Variants in CNTN5 observed in about 807,000 individuals in gnomAD.
The protein encoded by CNTN5 is contactin-5.
CNTN5 carries 77 observed loss-of-function variants against 129.1 expected under a neutral mutation model. The observed-to-expected ratio is 0.60, with a 90% CI of 0.50 to 0.72. CNTN5 has a LOEUF of 0.72. Ranked by LOEUF, CNTN5 falls within the 30% of genes least tolerant of loss-of-function variation. The pLI, the probability that CNTN5 is intolerant of heterozygous loss-of-function variation, is 0.00. For synonymous variants in CNTN5, 509 were observed against 465.6 expected, an observed-to-expected ratio of 1.09 and a Z score of -1.20; for missense variants, 1,478 against 1,328.8, an observed-to-expected ratio of 1.11 and a Z score of -1.75.
intron 3 of CNTN5, among the ~76,000 whole-genome samples, chr11:99,703,228 T>C (rs1327836798): frequency 1.4e-5 from 1 of 71,218 alleles, no homozygotes; most frequent in Admixed American, 1.4e-4. Flanking sequence ...GTATTTGGGG[T>C]TTTTTTTTTT....
chr11:99,719,092 G>C (rs1943081699), intron 3 of CNTN5, among the ~76,000 whole-genome samples: 1 of 152,088 alleles, frequency 6.6e-6, no homozygotes, highest in Non-Finnish European at 1.5e-5. Context: ...GCCGAAGCAG[G>C]TGGATCACTT....
chr11:99,714,472 G>A (rs939142636), intron 3 of CNTN5, among the ~76,000 whole-genome samples: 1 of 151,914 alleles, frequency 6.6e-6, no homozygotes, highest in African/African-American at 2.4e-5. Flanking sequence ...ATGAAGCATA[G>A]GGTCTGGATG....
chr11:99,233,254 A>T (rs986027304), intron 1 of CNTN5, among the ~76,000 whole-genome samples: 1 of 152,238 alleles, frequency 6.6e-6, no homozygotes, highest in African/African-American at 2.4e-5. Context: ...GCTAAGGAAT[A>T]ATTATTCAGT....
chr11:100,254,419 T>G (rs1226452127), intron 16 of CNTN5, among the ~76,000 whole-genome samples: 1 of 152,142 alleles, frequency 6.6e-6, no homozygotes, highest in Non-Finnish European at 1.5e-5. Flanking sequence ...TTATTTTGCT[T>G]CCTTCATTTA....
At chr11:99,602,535 A>G (rs1950346275) in intron 3 of CNTN5, among the ~76,000 whole-genome samples, 1 of 152,128 alleles carries the variant, frequency 6.6e-6, no homozygotes, top group South Asian at 2.1e-4. Flanking sequence ...CTACCCATAT[A>G]TTAATATAGT....
intron 2 of CNTN5, among the ~76,000 whole-genome samples, chr11:99,354,177 T>C (rs1014819129): frequency 8.5e-5 from 13 of 152,224 alleles, no homozygotes; most frequent in African/African-American, 2.9e-4. Context: ...ATTTTCAATA[T>C]AGTAAATGCT....
chr11:99,616,536 A>G (rs2135746971), intron 3 of CNTN5, among the ~76,000 whole-genome samples: 1 of 152,354 alleles, frequency 6.6e-6, no homozygotes, highest in East Asian at 1.9e-4. Context: ...TATAAGATAT[A>G]GATATGAATA....
chr11:99,143,119 G>A (rs952421432), intron 1 of CNTN5, among the ~76,000 whole-genome samples: 1 of 151,656 alleles, frequency 6.6e-6, no homozygotes, highest in African/African-American at 2.4e-5. Flanking sequence ...GGCCATATTG[G>A]CTATTTCTGT....
At chr11:100,064,847 A>C (rs1488740034) in intron 10 of CNTN5, among the ~76,000 whole-genome samples, 1 of 152,118 alleles carries the variant, frequency 6.6e-6, no homozygotes, top group African/African-American at 2.4e-5. Flanking sequence ...AAAAGGGGTA[A>C]CTGAAGGGGG....
At chr11:99,648,603 A>T (rs1341281648) in intron 3 of CNTN5, among the ~76,000 whole-genome samples, 1 of 151,828 alleles carries the variant, frequency 6.6e-6, no homozygotes, top group Non-Finnish European at 1.5e-5. Context: ...TCAAAGAGAT[A>T]TTCTCACCCT....
At chr11:100,021,632 G>C (rs1252674495) in intron 9 of CNTN5, among the ~76,000 whole-genome samples, 2 of 152,100 alleles carry the variant, frequency 1.3e-5, no homozygotes, top group African/African-American at 4.8e-5. Flanking sequence ...AGATACTTCA[G>C]CTTTCTCTTT....
At position 100,358,761 on chromosome 11, in the gene CNTN5, G is replaced by A. The variant is rs991774481; in HGVS notation, c.*2541G>A. Reference sequence around the variant, plus strand: ...TCAAACTGTTAAATATATTGTGTACGATCTGTATATATACTATATATAAGG... The same window carrying A: ...TCAAACTGTTAAATATATTGTGTACAATCTGTATATATACTATATATAAGG... On this transcript the variant is annotated 3_prime_UTR_variant, in exon 25 of 25. Coordinates refer to ENST00000524871, the MANE Select transcript of CNTN5 (RefSeq NM_014361.4). 3 of 151,842 alleles carry A rather than the reference G, an allele frequency of 2.0e-5. No homozygotes were observed. Among genetic ancestry groups the A allele is most frequent in the South Asian group, 4.1e-4 (2 of 4,826 alleles). 9.4% of individuals were successfully genotyped at this position (151,842 alleles called of 1,614,324 possible). A position where few individuals can be genotyped will look rare whatever the true frequency, so the allele number is the denominator to read the frequency against.
At chr11:99,321,768 T>C (rs1414015710) in intron 1 of CNTN5, among the ~76,000 whole-genome samples, 1 of 152,158 alleles carries the variant, frequency 6.6e-6, no homozygotes, top group Non-Finnish European at 1.5e-5. Flanking sequence ...GATCTCAGTG[T>C]AGCGCTCAGT....
chr11:99,309,046 G>C (rs1864990531), intron 1 of CNTN5, among the ~76,000 whole-genome samples: 1 of 151,810 alleles, frequency 6.6e-6, no homozygotes, highest in African/African-American at 2.4e-5. Flanking sequence ...ATTTTCTATA[G>C]TTTTTCTGTT....
chr11:99,852,088 T>G (rs1022523213), intron 6 of CNTN5, among the ~76,000 whole-genome samples: 2 of 152,220 alleles, frequency 1.3e-5, no homozygotes, highest in Non-Finnish European at 2.9e-5. Context: ...ATTTACTAGT[T>G]GTAAAATTAT....
At chr11:100,342,182 C>CACACACA (rs1437901353) in intron 23 of CNTN5, among the ~76,000 whole-genome samples, 3 of 150,588 alleles carry the variant, frequency 2.0e-5, no homozygotes, top group Non-Finnish European at 4.4e-5. Context: ...CACACACACA[C>CACACACA]AAGTCCATCA....
intron 2 of CNTN5, among the ~76,000 whole-genome samples, chr11:99,385,357 G>C (rs1940862746): frequency 6.6e-6 from 1 of 151,826 alleles, no homozygotes; most frequent in Non-Finnish European, 1.5e-5. Context: ...ATGTAATCCA[G>C]CTTGGATTTG....
At chr11:99,613,253 C>T (rs995182750) in intron 3 of CNTN5, among the ~76,000 whole-genome samples, 30 of 152,132 alleles carry the variant, frequency 2.0e-4, no homozygotes, top group East Asian at 1.9e-4. Context: ...CGGTTTTCCC[C>T]GTGCTGTTCT....
chr11:100,101,463 A>G (rs1001522334), intron 13 of CNTN5, among the ~76,000 whole-genome samples: 4 of 152,082 alleles, frequency 2.6e-5, no homozygotes, highest in African/African-American at 9.7e-5. Context: ...ATGATAGAGA[A>G]TTTCTCATAA....
Sources: allele counts gnomAD v4.1 joint callset (sites outside exome capture counted in the v4.1 genomes callset), GRCh38; gene constraint gnomAD v4.1.1; transcripts MANE v1.5; gene names NCBI Gene and HGNC (gene_info 2026-07-23, HGNC 2026-07-21).